Variants in SH3TC1 observed in about 807,000 individuals in gnomAD.
SH3TC1 encodes the protein SH3 domain and tetratricopeptide repeat-containing protein 1.
SH3TC1 carries 135 observed loss-of-function variants against 117.3 expected under a neutral mutation model. The ratio of observed to expected loss-of-function variants is 1.15; its 90% CI spans 1.00 to 1.33. SH3TC1 has a LOEUF of 1.33. Among genes scored for constraint, SH3TC1 ranks in the 40% most tolerant of loss-of-function variants. The pLI is 0.00. For synonymous variants in SH3TC1, 898 were observed against 816.9 expected (o/e 1.10, Z -1.69); for missense variants, 2,092 against 1,794.3 (o/e 1.17, Z -3.00).
chr4:8,224,458 G>A (rs1720273220), intron 10 of SH3TC1: 1 of 152,456 alleles, frequency 6.6e-6, no homozygotes, highest in African/African-American at 2.4e-5. Context: ...GCATTGCAGG[G>A]TGCAGGTGTC....
chr4:8,217,027 C>A lies in SH3TC1; in HGVS notation c.699C>A (p.Gly233=). The A allele has an allele frequency of 2.5e-6, 4 of 1,613,512 alleles. No homozygotes were observed. The highest frequency in any genetic ancestry group is 3.4e-6 in the Non-Finnish European group (4 of 1,179,718). Reference sequence around the variant, plus strand: ...CGGGTCCCCGGGATGCAGGAAATGGCCCCCAGGCCCTCAGGCAGGCTTCGG... The same window carrying A: ...CGGGTCCCCGGGATGCAGGAAATGGACCCCAGGCCCTCAGGCAGGCTTCGG... The part of the protein sequence containing the change: ...VMTGPRDAGN[G]PQALRQASGA... The change falls in exon 7 of 18, where the codon GGC becomes GGA. Residue 233 remains glycine, a synonymous_variant. Coordinates refer to ENST00000245105, the MANE Select transcript of SH3TC1 (RefSeq NM_018986.5).
chr4:8,202,518 G>A (rs1297216625), intron 1 of SH3TC1, among the ~76,000 whole-genome samples: 3 of 152,312 alleles, frequency 2.0e-5, no homozygotes, highest in East Asian at 1.9e-4. Flanking sequence ...CACCATTCCC[G>A]GCCCCCACAG....
rs372132076 is a variant in SH3TC1, at chr4:8,227,038, T to C, written c.1344T>C (p.Asn448=). The C allele has an allele frequency of 6.3e-7, 1 of 1,581,484 alleles. No individual in the cohort carries two copies. The highest frequency in any genetic ancestry group is 8.6e-7 in the Non-Finnish European group (1 of 1,165,032). Residue 448 remains asparagine, a synonymous_variant, in exon 12 of 18, where the codon AAT becomes AAC. Coordinates refer to ENST00000245105, the MANE Select transcript of SH3TC1 (RefSeq NM_018986.5). ...AGGAGACCTTGCAGAAGGTGAAGAA[T>C]GTTCTGGAACAATGCAAGACCTGCC... ...EPQETLQKVK[N]VLEQCKTCPG... is the part of the protein sequence containing the mutation.
intron 1 of SH3TC1, among the ~76,000 whole-genome samples, chr4:8,184,579 A>C (rs1017403918): frequency 6.6e-6 from 1 of 151,994 alleles, no homozygotes; most frequent in African/African-American, 2.4e-5. Context: ...GGGTCTCATC[A>C]TGTTGCTCAG....
chr4:8,234,143 TTCATCCATCCATCCATCCTTCCA>T (rs1335019847), intron 14 of SH3TC1, among the ~76,000 whole-genome samples: 31 of 131,562 alleles, frequency 2.4e-4, no homozygotes, highest in Non-Finnish European at 3.9e-4. Context: ...CATTTATCCA[TTCATCCATCCATCCATCCTTCCA>T]TCATCCATCC....
Position 8,190,214 on chromosome 4 carries a change from C to T in SH3TC1, c.-57+8004C>T, listed in dbSNP as rs111269694. On this transcript the variant is annotated intron_variant, in intron 1 of 16. Transcript: ENST00000508641. The surrounding 1 kb of genome is among the most constrained non-coding windows in gnomAD (Gnocchi z 4.7). ...ATCCCCCTTGGAGCCCTCCTCCCCT[C>T]TGCCTGCTGTGACCTCAGCCTCGGA... is the stretch of plus-strand genomic sequence containing the variant. Among the ~76,000 whole-genome samples the T allele has an allele frequency of 3.7e-4, 57 of 152,316 alleles. No individual in the cohort carries two copies. The highest frequency in any genetic ancestry group is 1.3e-3 in the African/African-American group (55 of 41,576).
chr4:8,218,407 A>G, intron 8 of SH3TC1, 60 bp downstream of exon 8: 2 of 1,293,658 alleles, frequency 1.5e-6, no homozygotes, highest in Non-Finnish European at 2.2e-6. Flanking sequence ...GAGCAGCACC[A>G]ACATTTTGGA....
Position 8,227,646 on chromosome 4 carries a change from C to T in SH3TC1, c.1952C>T (p.Ala651Val), listed in dbSNP as rs200367264. 2.0e-4 allele frequency: 309 copies of T among 1,527,072 alleles called. No homozygotes were observed. The African/African-American group carries it at 3.5e-3, about 17-fold the overall frequency. 94.6% of individuals were successfully genotyped at this position (1,527,072 alleles called of 1,614,324 possible). A position where few individuals can be genotyped will look rare whatever the true frequency, so the allele number is the denominator to read the frequency against. ...GCGGAGGGGGAGCTCCTGCAGCTGG[C>T]GCTGCGGCGGGCGGTGGGTGGCCAG... ...TEAEGELLQLALRRAVGGQSL... is the reference protein window; with the variant it reads ...TEAEGELLQLVLRRAVGGQSL... Residue 651 changes from alanine (A) to valine (V), a missense_variant, in exon 12 of 18, where the codon GCG (alanine) becomes GTG (valine). Transcript: ENST00000245105.
At chr4:8,223,582 G>A (rs563141139) in intron 10 of SH3TC1, among the ~76,000 whole-genome samples, 6 of 152,142 alleles carry the variant, frequency 3.9e-5, no homozygotes, top group Admixed American at 1.3e-4. Context: ...GGCAGAGGCC[G>A]TGCTATCTGC....
At chr4:8,220,769 C>T (rs1379956096) in intron 9 of SH3TC1, among the ~76,000 whole-genome samples, 1 of 152,152 alleles carries the variant, frequency 6.6e-6, no homozygotes, top group African/African-American at 2.4e-5. Context: ...TCTCAGAGGC[C>T]GTTTGTCACC....
chr4:8,199,834 G>A (rs900684428), intron 1 of SH3TC1, among the ~76,000 whole-genome samples: 5 of 152,174 alleles, frequency 3.3e-5, no homozygotes, highest in Admixed American at 6.5e-5. Context: ...CGAGCCCAGC[G>A]CCTCAGCCTC....
At chr4:8,187,327 A>G (rs557714233) in intron 1 of SH3TC1, among the ~76,000 whole-genome samples, 1 of 149,732 alleles carries the variant, frequency 6.7e-6, no homozygotes, top group Non-Finnish European at 1.5e-5. Flanking sequence ...ACCTGGCTGA[A>G]GGGTGTTGGT....
chr4:8,187,910 C>T (rs1717280343), intron 1 of SH3TC1, among the ~76,000 whole-genome samples: 1 of 152,162 alleles, frequency 6.6e-6, no homozygotes, highest in African/African-American at 2.4e-5. Context: ...TTTTGTTGCT[C>T]ACTTTGTCCC....
Position 8,225,096 on chromosome 4 carries a change from A to C in SH3TC1, c.1244-79A>C. The C allele has an allele frequency of 6.4e-7, 1 of 1,555,872 alleles. No homozygotes were observed. Among genetic ancestry groups the C allele is most frequent in the Non-Finnish European group, 8.8e-7 (1 of 1,134,346 alleles). On this transcript the variant is annotated intron_variant, in intron 10 of 17. Transcript: ENST00000245105. The surrounding 1 kb of genome is among the most constrained non-coding windows in gnomAD (Gnocchi z 5.5). ...CCCAGCAATGCTCTCACCCTGCAACATCGACACTAGCTCAACCTGGCAGGG... is the reference window on the plus strand; with the variant it reads ...CCCAGCAATGCTCTCACCCTGCAACCTCGACACTAGCTCAACCTGGCAGGG...
chr4:8,230,026 G>A (rs1022635745), intron 12 of SH3TC1, among the ~76,000 whole-genome samples: 6 of 142,376 alleles, frequency 4.2e-5, no homozygotes, highest in South Asian at 2.2e-4. Flanking sequence ...GGGGCCAGGG[G>A]ACGAGGATCA....
chr4:8,193,303 G>A (rs539721712), intron 1 of SH3TC1, among the ~76,000 whole-genome samples: 1 of 151,016 alleles, frequency 6.6e-6, no homozygotes, highest in East Asian at 1.9e-4. Context: ...GCATTCCTGA[G>A]AGTCACTTTT....
At chr4:8,220,240 G>A (rs891494588) in intron 9 of SH3TC1, among the ~76,000 whole-genome samples, 4 of 151,790 alleles carry the variant, frequency 2.6e-5, no homozygotes, top group Non-Finnish European at 5.9e-5. Flanking sequence ...TTCTGGGCCC[G>A]ACCTTGCAGG....
chr4:8,233,112 G>A (rs1721397060), intron 13 of SH3TC1: 21 of 1,337,322 alleles, frequency 1.6e-5, no homozygotes, highest in Non-Finnish European at 1.9e-5. Flanking sequence ...CGGGGGAGAT[G>A]GACTAGCACG....
upstream of SH3TC1, among the ~76,000 whole-genome samples, chr4:8,195,993 C>T (rs1018080644): frequency 3.9e-5 from 6 of 152,316 alleles, no homozygotes; most frequent in Middle Eastern, 3.4e-3. Context: ...TGGTAGGAGG[C>T]GCTAACCTCC....
Sources: gnomAD v4.1 joint callset for allele counts (sites outside exome capture counted in the v4.1 genomes callset) on GRCh38, gnomAD v4.1.1 for gene constraint, Gnocchi (gnomAD v3.1) non-coding constraint, MANE v1.5 for transcripts, NCBI Gene and HGNC (gene_info 2026-07-23, HGNC 2026-07-21) for gene names.